HECW2: variants seen among roughly 807,000 people sequenced by gnomAD.
The protein encoded by HECW2 is E3 ubiquitin-protein ligase HECW2.
In HECW2, 61 loss-of-function variants were observed where a neutral mutation model predicts 175.2. The ratio of observed to expected loss-of-function variants is 0.35; its 90% CI spans 0.28 to 0.43. The LOEUF is 0.43. Ranked by LOEUF, HECW2 falls within the 20% of genes least tolerant of loss-of-function variation. HECW2 has a pLI of 1.00. For missense variants in HECW2, 1,524 were observed against 2,000.5 expected, an observed-to-expected ratio of 0.76 and a Z score of 4.54; for synonymous variants, 671 against 731.0, an observed-to-expected ratio of 0.92 and a Z score of 1.32.
intron 2 of HECW2, among the ~76,000 whole-genome samples, chr2:196,396,196 T>C (rs889765290): frequency 6.6e-6 from 1 of 152,124 alleles, no homozygotes; most frequent in Non-Finnish European, 1.5e-5. Context: ...AGTAGAATGA[T>C]GGTTGCCAGG....
At chr2:196,582,658 G>C (rs1305651276) in intron 1 of HECW2, among the ~76,000 whole-genome samples, 1 of 152,092 alleles carries the variant, frequency 6.6e-6, no homozygotes, top group East Asian at 1.9e-4. Flanking sequence ...AAGAAGCCAG[G>C]TATCAAAACC....
intron 2 of HECW2, among the ~76,000 whole-genome samples, chr2:196,376,979 T>A (rs1487284738): frequency 6.6e-6 from 1 of 152,114 alleles, no homozygotes; most frequent in East Asian, 1.9e-4. Flanking sequence ...TTAATTAAGA[T>A]CGTTTTTCAT....
rs1686657973 is a variant in HECW2, at chr2:196,195,580, C to G, written c.*5697G>C. ...ACACTAATTTAGTCTCCATTTGCAACCTCACTCTTAGGATTTCACTTTCCA... is the reference window on the plus strand; with the variant it reads ...ACACTAATTTAGTCTCCATTTGCAAGCTCACTCTTAGGATTTCACTTTCCA... On this transcript the variant is annotated 3_prime_UTR_variant, in exon 29 of 29. Coordinates refer to ENST00000644978, the MANE Select transcript of HECW2 (RefSeq NM_001348768.2). The G allele has an allele frequency of 6.6e-6, 1 of 152,158 alleles. No homozygotes were observed. Among genetic ancestry groups the G allele is most frequent in the Non-Finnish European group, 1.5e-5 (1 of 68,036 alleles). The allele number at this position is 152,158 out of a possible 1,614,324, so 9.4% of individuals were successfully genotyped here. A position where few individuals can be genotyped will look rare whatever the true frequency, so the allele number is the denominator to read the frequency against.
intron 2 of HECW2, among the ~76,000 whole-genome samples, chr2:196,379,713 T>C (rs967065484): frequency 1.3e-5 from 2 of 149,862 alleles, no homozygotes; most frequent in Admixed American, 6.6e-5. Flanking sequence ...ACAAAAAGAT[T>C]ATGGCACCTT....
At chr2:196,520,747 T>C (rs972772402) in intron 1 of HECW2, among the ~76,000 whole-genome samples, 1 of 152,280 alleles carries the variant, frequency 6.6e-6, no homozygotes, top group South Asian at 2.1e-4. Context: ...TTAATGACTA[T>C]CATATATCAA....
At chr2:196,417,908 C>T (rs1439875835) in intron 2 of HECW2, among the ~76,000 whole-genome samples, 2 of 151,902 alleles carry the variant, frequency 1.3e-5, no homozygotes, top group African/African-American at 4.8e-5. Flanking sequence ...CAGACTTACA[C>T]TTAAAGAAAA....
intron 2 of HECW2, among the ~76,000 whole-genome samples, chr2:196,351,153 T>C (rs935758210): frequency 6.6e-6 from 1 of 152,098 alleles, no homozygotes; most frequent in Non-Finnish European, 1.5e-5. Context: ...AATGTAATTA[T>C]AAAGAGTAGT....
chr2:196,377,724 T>C (rs1202437693), intron 2 of HECW2, among the ~76,000 whole-genome samples: 1 of 152,238 alleles, frequency 6.6e-6, no homozygotes. Flanking sequence ...GCATAGTTAA[T>C]GCATGAATGA....
chr2:196,574,930 G>GATAGTC (rs1424979025), intron 1 of HECW2, among the ~76,000 whole-genome samples: 4 of 151,868 alleles, frequency 2.6e-5, no homozygotes, highest in African/African-American at 4.8e-5. Flanking sequence ...ACAGGGAAAG[G>GATAGTC]ATAGTCATTT....
intron 1 of HECW2, among the ~76,000 whole-genome samples, chr2:196,498,950 C>G (rs935923138): frequency 1.3e-5 from 2 of 152,114 alleles, no homozygotes; most frequent in African/African-American, 4.8e-5. Flanking sequence ...CACCCAGAAA[C>G]TGACTCAGCA....
At chr2:196,350,217 T>C (rs1405421409) in intron 2 of HECW2, among the ~76,000 whole-genome samples, 2 of 151,994 alleles carry the variant, frequency 1.3e-5, no homozygotes, top group Non-Finnish European at 2.9e-5. Context: ...TACAAAAAAT[T>C]AGCTGGGTGT....
chr2:196,519,283 TC>T (rs1463570511), intron 1 of HECW2, among the ~76,000 whole-genome samples: 1 of 152,116 alleles, frequency 6.6e-6, no homozygotes, highest in Non-Finnish European at 1.5e-5. Flanking sequence ...GCCACCCTAT[TC>T]CATTTTCATA....
chr2:196,484,016 C>A (rs969298501), intron 1 of HECW2, among the ~76,000 whole-genome samples: 1 of 152,114 alleles, frequency 6.6e-6, no homozygotes, highest in African/African-American at 2.4e-5. Flanking sequence ...GGCTGAGGGT[C>A]CAGGCTTTGA....
intron 2 of HECW2, among the ~76,000 whole-genome samples, chr2:196,371,969 G>A (rs1042313486): frequency 6.6e-6 from 1 of 152,172 alleles, no homozygotes; most frequent in Non-Finnish European, 1.5e-5. Flanking sequence ...ACTTTCAACA[G>A]TGTAAAGTAG....
chr2:196,239,838 C>T (rs899635857), intron 21 of HECW2: 4 of 152,258 alleles, frequency 2.6e-5, no homozygotes, highest in Admixed American at 6.5e-5. Context: ...CATTTCCTAA[C>T]CCTTATCTTG....
intron 13 of HECW2, among the ~76,000 whole-genome samples, chr2:196,305,295 C>T (rs1470084867): frequency 6.6e-6 from 1 of 152,186 alleles, no homozygotes; most frequent in Non-Finnish European, 1.5e-5. Flanking sequence ...ATGAGGATAG[C>T]TAGCATGTTA....
At chr2:196,554,626 C>T (rs961006080) in intron 1 of HECW2, among the ~76,000 whole-genome samples, 2 of 152,338 alleles carry the variant, frequency 1.3e-5, no homozygotes, top group East Asian at 3.9e-4. Flanking sequence ...GGGGAGCAAA[C>T]TACACCCTTA....
At chr2:196,487,101 A>G (rs897171856) in intron 1 of HECW2, among the ~76,000 whole-genome samples, 2 of 151,224 alleles carry the variant, frequency 1.3e-5, no homozygotes, top group Admixed American at 1.3e-4. Flanking sequence ...GTGAGCCAAG[A>G]TCGCACCACT....
intron 2 of HECW2, among the ~76,000 whole-genome samples, chr2:196,425,802 T>C (rs190384248): frequency 2.6e-5 from 4 of 152,220 alleles, no homozygotes; most frequent in African/African-American, 4.8e-5. Context: ...CAAAAAAAAT[T>C]AGAATATTCC....
Sources: gnomAD v4.1 joint callset for allele counts (sites outside exome capture counted in the v4.1 genomes callset) on GRCh38, gnomAD v4.1.1 for gene constraint, MANE v1.5 for transcripts, NCBI Gene and HGNC (gene_info 2026-07-23, HGNC 2026-07-21) for gene names.